RGL1: variants seen among roughly 807,000 people sequenced by gnomAD.
RGL1 encodes ral guanine nucleotide dissociation stimulator-like 1.
RGL1 carries 24 observed loss-of-function variants against 95.2 expected under a neutral mutation model. That is an observed-to-expected ratio of 0.25 (90% confidence interval 0.18 to 0.35). RGL1 has a LOEUF of 0.35. RGL1 is among the 10% of genes least tolerant of loss of function. RGL1 has a pLI of 1.00. For synonymous variants in RGL1, 329 were observed against 344.9 expected (o/e 0.95, Z 0.51); for missense variants, 715 against 936.3 (o/e 0.76, Z 3.08).
At chr1:183,725,550 C>T (rs1656263120) in intron 1 of RGL1, among the ~76,000 whole-genome samples, 1 of 151,374 alleles carries the variant, frequency 6.6e-6, no homozygotes, top group African/African-American at 2.4e-5. Flanking sequence ...ATATTAATAG[C>T]CAAAAAAAAT....
intron 2 of RGL1, among the ~76,000 whole-genome samples, chr1:183,845,373 C>A (rs1351907548): frequency 1.3e-5 from 2 of 152,140 alleles, no homozygotes; most frequent in Admixed American, 1.3e-4. Flanking sequence ...GTAAGGCACA[C>A]CAATATTTTT....
rs181969701 is a variant in RGL1 at position 183,816,147 on chromosome 1, A to G, written c.138+9662A>G. ...AGACTGCATTATTCCTCGGGCTCCA[A>G]CATTTTGCATTTGAAATTCCTTCAG... On this transcript the variant is annotated intron_variant, in intron 2 of 17. Coordinates refer to ENST00000360851, the MANE Select transcript of RGL1 (RefSeq NM_001297671.3). 1.2e-4 allele frequency among the ~76,000 whole-genome samples: 18 copies of G among 152,306 alleles called. No homozygotes were observed. In the East Asian group the frequency reaches 3.5e-3, roughly 29 times the overall value.
chr1:183,857,342 A>G (rs751722342), intron 3 of RGL1, among the ~76,000 whole-genome samples: 48 of 152,206 alleles, frequency 3.2e-4, no homozygotes, highest in Non-Finnish European at 6.0e-4. Context: ...ATTTTAACCC[A>G]TTGAGACCCT....
At chr1:183,795,804 T>C (rs1660670634) in intron 2 of RGL1, among the ~76,000 whole-genome samples, 1 of 152,250 alleles carries the variant, frequency 6.6e-6, no homozygotes, top group Non-Finnish European at 1.5e-5. Flanking sequence ...TTCTATGTTG[T>C]GTAGCGACTC....
chr1:183,648,082 C>T, intron 1 of RGL1: 2 of 1,614,228 alleles, frequency 1.2e-6, no homozygotes, highest in Non-Finnish European at 1.7e-6. Context: ...GGTTTTACGC[C>T]TGTTATGGCA....
At chr1:183,904,075 G>A (rs547182865) in intron 12 of RGL1, among the ~76,000 whole-genome samples, 6 of 152,266 alleles carry the variant, frequency 3.9e-5, no homozygotes, top group Non-Finnish European at 8.8e-5. Flanking sequence ...ACTGTGGTTG[G>A]TAATCTCTTT....
intron 2 of RGL1, among the ~76,000 whole-genome samples, chr1:183,752,595 G>A (rs1416858932): frequency 6.8e-6 from 1 of 148,130 alleles, no homozygotes; most frequent in Non-Finnish European, 1.5e-5. Context: ...AATTCTTTAT[G>A]CATCTCAGCT....
At chr1:183,671,744 T>C (rs1490742063) in intron 1 of RGL1, among the ~76,000 whole-genome samples, 3 of 152,160 alleles carry the variant, frequency 2.0e-5, no homozygotes, top group African/African-American at 7.2e-5. Context: ...TTCAATCTGG[T>C]TTTCCAATTA....
chr1:183,672,694 T>A (rs1652553669), intron 1 of RGL1, among the ~76,000 whole-genome samples: 1 of 152,234 alleles, frequency 6.6e-6, no homozygotes, highest in Non-Finnish European at 1.5e-5. Context: ...TTAAATGTTC[T>A]TATAGACTAT....
chr1:183,754,644 C>G (rs1658221434), intron 2 of RGL1: 1 of 152,200 alleles, frequency 6.6e-6, no homozygotes, highest in Non-Finnish European at 1.5e-5. Context: ...TTTGACCAGA[C>G]ATGCATTGTA....
intron 1 of RGL1, among the ~76,000 whole-genome samples, chr1:183,685,960 T>G (rs2102094840): frequency 6.6e-6 from 1 of 152,340 alleles, no homozygotes; most frequent in African/African-American, 2.4e-5. Flanking sequence ...GCAAAAATAT[T>G]TATTCAATTC....
chr1:183,899,059 T>G (rs1667867686), intron 10 of RGL1, among the ~76,000 whole-genome samples: 1 of 152,194 alleles, frequency 6.6e-6, no homozygotes, highest in Non-Finnish European at 1.5e-5. Flanking sequence ...ATGAATATAG[T>G]GTATCCCTGC....
chr1:183,786,191 C>T lies in RGL1; in HGVS notation c.133-20184C>T, dbSNP rs181677259. Reference sequence around the variant, plus strand: ...CCAAGGCAGGAGGATTACTTGAGCCCAGAAGTTTGAGACCAGCCTGGGCAA... The same window carrying T: ...CCAAGGCAGGAGGATTACTTGAGCCTAGAAGTTTGAGACCAGCCTGGGCAA... On this transcript the variant is annotated intron_variant, in intron 2 of 18. Coordinates refer to the RGL1 transcript ENST00000304685. Among the ~76,000 whole-genome samples, 8 of 152,090 alleles carry T rather than the reference C, an allele frequency of 5.3e-5. No individual in the cohort carries two copies. The East Asian group carries it at 1.5e-3, about 29-fold the overall frequency.
upstream of RGL1, among the ~76,000 whole-genome samples, chr1:183,801,143 T>TTGTGTGTGTGTGTG (rs139990784): frequency 4.5e-4 from 58 of 129,998 alleles, no homozygotes; most frequent in African/African-American, 1.3e-3. Context: ...ACTTGTTATT[T>TTGTGTGTGTGTGTG]TGTGTGTGTG....
upstream of RGL1, among the ~76,000 whole-genome samples, chr1:183,804,570 C>T (rs1052818983): frequency 1.3e-5 from 2 of 152,164 alleles, no homozygotes; most frequent in Admixed American, 6.5e-5. Context: ...CTGCTTTGTT[C>T]CCTTCCCACC....
Position 183,657,894 on chromosome 1 carries a change from C to T in RGL1, c.-33+21393C>T, listed in dbSNP as rs184150956. ...GACTTCCACAATCGTTGAACTAGTTCACAGTCCCACCAACAGTGTAAAAGT... is the reference window on the plus strand; with the variant it reads ...GACTTCCACAATCGTTGAACTAGTTTACAGTCCCACCAACAGTGTAAAAGT... On this transcript the variant is annotated intron_variant, in intron 1 of 18. Transcript: ENST00000304685. Among the ~76,000 whole-genome samples the T allele has an allele frequency of 7.2e-5, 11 of 152,294 alleles. No individual in the cohort carries two copies. The East Asian group carries it at 1.7e-3, about 24-fold the overall frequency.
At chr1:183,900,749 G>A (rs1403293103) in intron 11 of RGL1, among the ~76,000 whole-genome samples, 2 of 151,692 alleles carry the variant, frequency 1.3e-5, no homozygotes, top group Admixed American at 6.6e-5. Context: ...CAGGTGATCC[G>A]CCCACCTTGG....
At chr1:183,873,995 AT>A (rs1666339010) in intron 4 of RGL1, among the ~76,000 whole-genome samples, 1 of 152,206 alleles carries the variant, frequency 6.6e-6, no homozygotes, top group Non-Finnish European at 1.5e-5. Context: ...ATAGAGTTCT[AT>A]TTATAACATG....
chr1:183,873,744 T>C (rs1352869636), intron 4 of RGL1, among the ~76,000 whole-genome samples: 1 of 152,246 alleles, frequency 6.6e-6, no homozygotes, highest in Non-Finnish European at 1.5e-5. Context: ...TTTGCCTGGC[T>C]GTTGCTTTAT....
Sources: gnomAD v4.1 joint callset for allele counts (sites outside exome capture counted in the v4.1 genomes callset) on GRCh38, gnomAD v4.1.1 for gene constraint, MANE v1.5 for transcripts, NCBI Gene and HGNC (gene_info 2026-07-23, HGNC 2026-07-21) for gene names.